The following RNF220 variants were observed in gnomAD, a reference collection of about 807,000 sequenced individuals.
RNF220 encodes ring finger protein 220, also known as E3 ubiquitin-protein ligase RNF220.
In RNF220, 7 loss-of-function variants were observed where a neutral mutation model predicts 67.1. That is an observed-to-expected ratio of 0.10 (90% CI 0.06 to 0.20). RNF220 has a LOEUF of 0.20. RNF220 is among the 10% of genes least tolerant of loss of function. The pLI is 1.00. For missense variants in RNF220, 565 were observed against 740.3 expected (o/e 0.76, Z 2.75); for synonymous variants, 270 against 283.2 (o/e 0.95, Z 0.47).
At chr1:44,443,002 A>C (rs1397834121) in intron 2 of RNF220, among the ~76,000 whole-genome samples, 3 of 152,170 alleles carry the variant, frequency 2.0e-5, no homozygotes, top group Admixed American at 6.5e-5. Context: ...TGGAAATAAG[A>C]CTTCTCAAAT....
intron 2 of RNF220, among the ~76,000 whole-genome samples, chr1:44,567,733 G>T (rs892651700): frequency 6.6e-6 from 1 of 152,036 alleles, no homozygotes; most frequent in Non-Finnish European, 1.5e-5. Context: ...TCATTCATTC[G>T]CTTGCTCACT....
intron 2 of RNF220, among the ~76,000 whole-genome samples, chr1:44,581,443 C>G (rs992803310): frequency 2.0e-5 from 3 of 152,274 alleles, no homozygotes; most frequent in Admixed American, 1.3e-4. Flanking sequence ...CCAGGGAATC[C>G]CTGCTTTGGC....
At chr1:44,534,734 A>G (rs1661074055) in intron 2 of RNF220, among the ~76,000 whole-genome samples, 1 of 152,204 alleles carries the variant, frequency 6.6e-6, no homozygotes, top group African/African-American at 2.4e-5. Flanking sequence ...CTAGAATTGT[A>G]TATGGAAGAG....
intron 2 of RNF220, among the ~76,000 whole-genome samples, chr1:44,498,276 C>A (rs1458808516): frequency 6.6e-6 from 1 of 152,132 alleles, no homozygotes; most frequent in African/African-American, 2.4e-5. Context: ...ATAATACCGT[C>A]CTACCCCAAG....
chr1:44,635,458 G>A (rs1412828094), intron 6 of RNF220, 87 bp from the exon 7 acceptor site: 1 of 1,555,552 alleles, frequency 6.4e-7, no homozygotes, highest in South Asian at 1.2e-5. Flanking sequence ...CTGGCAAGAG[G>A]TCAGGATGTG....
At chr1:44,413,291 C>T (rs569088692) in intron 2 of RNF220, among the ~76,000 whole-genome samples, 2 of 152,246 alleles carry the variant, frequency 1.3e-5, no homozygotes, top group East Asian at 3.9e-4. Context: ...GTTTTCCTTG[C>T]GATCGCAAGG....
At position 44,412,297 on chromosome 1, in the gene RNF220, A is replaced by G. The variant is rs773278409; in HGVS notation, c.200A>G (p.Tyr67Cys). ...DVHIPFTNGS[Y>C]TFASMYHRQG... ...CATATTCCTTTCACCAACGGTTCCT[A>G]TACCTTTGCCTCTATGTACCATCGG... The change falls in exon 2 of 15, where the codon TAT (tyrosine) becomes TGT (cysteine). Residue 67 changes from tyrosine to cysteine, a missense_variant. Physicochemically the swap from Tyr to Cys is radical, Grantham distance 194 (BLOSUM62 -2). Transcript: ENST00000361799. The surrounding 1 kb of genome is among the most constrained non-coding windows in gnomAD (Gnocchi z 5.3). The G allele has an allele frequency of 6.2e-7, 1 of 1,614,156 alleles. No homozygotes were observed. Among genetic ancestry groups the G allele is most frequent in the Admixed American group, 1.7e-5 (1 of 60,022 alleles).
Position 44,650,131 on chromosome 1 carries a change from T to G in RNF220, c.1629+174T>G. 1.5e-6 allele frequency: 1 copy of G among 659,400 alleles called. No individual in the cohort carries two copies. The highest frequency in any genetic ancestry group is 2.6e-6 in the Non-Finnish European group (1 of 390,010). 40.8% of individuals were successfully genotyped at this position (659,400 alleles called of 1,614,324 possible). A position where few individuals can be genotyped will look rare whatever the true frequency, so the allele number is the denominator to read the frequency against. The stretch of plus-strand genomic sequence containing the variant: ...TTACCCCCAGGCTCGCTGCCTCTCC[T>G]CCCCAACTGCAGGTTTAGGAACTTC... On this transcript the variant is annotated intron_variant, in intron 14 of 14. Coordinates refer to ENST00000361799, the MANE Select transcript of RNF220 (RefSeq NM_018150.4). This position sits in a 1 kb window ranked among gnomAD's most constrained non-coding sequence, Gnocchi z 4.3.
At chr1:44,460,037 C>T (rs528189159) in intron 2 of RNF220, among the ~76,000 whole-genome samples, 12 of 152,090 alleles carry the variant, frequency 7.9e-5, no homozygotes, top group African/African-American at 2.4e-4. Context: ...AGGGAGGGGA[C>T]GGCCAGTAAA....
At chr1:44,456,505 A>G (rs979490596) in intron 2 of RNF220, among the ~76,000 whole-genome samples, 1 of 152,214 alleles carries the variant, frequency 6.6e-6, no homozygotes, top group Non-Finnish European at 1.5e-5. Flanking sequence ...TTTATTAAGG[A>G]CCTACTAAGC....
chr1:44,583,208 A>G (rs1337951875), intron 2 of RNF220, among the ~76,000 whole-genome samples: 1 of 150,916 alleles, frequency 6.6e-6, no homozygotes, highest in Non-Finnish European at 1.5e-5. Context: ...TTTTGCTTCC[A>G]GAAGCAGATA....
At chr1:44,549,323 G>C (rs1016799602) in intron 2 of RNF220, among the ~76,000 whole-genome samples, 6 of 152,236 alleles carry the variant, frequency 3.9e-5, no homozygotes, top group Non-Finnish European at 8.8e-5. Context: ...GAGGCTCTCT[G>C]AACAATTGCT....
At chr1:44,485,665 A>G (rs1474196357) in intron 2 of RNF220, among the ~76,000 whole-genome samples, 2 of 152,240 alleles carry the variant, frequency 1.3e-5, no homozygotes, top group African/African-American at 2.4e-5. Flanking sequence ...TTTTAATTCT[A>G]GCCTCTAATC....
intron 2 of RNF220, among the ~76,000 whole-genome samples, chr1:44,543,199 G>A (rs1212532549): frequency 3.3e-5 from 5 of 151,718 alleles, no homozygotes; most frequent in Non-Finnish European, 1.5e-5. Context: ...AGACCTCCCC[G>A]TCAGACCCCC....
At chr1:44,461,921 T>TCTG (rs1457326523) in intron 2 of RNF220, among the ~76,000 whole-genome samples, 9 of 123,434 alleles carry the variant, frequency 7.3e-5, no homozygotes, top group African/African-American at 2.5e-4. Flanking sequence ...TTCTTTTTTC[T>TCTG]TTGTTTTTTT....
chr1:44,570,723 T>A (rs1295416231), intron 2 of RNF220, among the ~76,000 whole-genome samples: 2 of 152,200 alleles, frequency 1.3e-5, no homozygotes, highest in Non-Finnish European at 2.9e-5. Flanking sequence ...ATCTTCCTGC[T>A]TCCTTTCCGG....
intron 2 of RNF220, among the ~76,000 whole-genome samples, chr1:44,605,719 G>A (rs1045050261): frequency 3.9e-5 from 6 of 152,168 alleles, no homozygotes; most frequent in Non-Finnish European, 8.8e-5. Context: ...GGAAGGCCAC[G>A]TGGAAGAAGG....
intron 2 of RNF220, among the ~76,000 whole-genome samples, chr1:44,594,725 T>C (rs1666354956): frequency 6.6e-6 from 1 of 152,188 alleles, no homozygotes; most frequent in Admixed American, 6.5e-5. Flanking sequence ...AAGCAATCAA[T>C]AGCCCATTGG....
chr1:44,417,970 G>C lies in RNF220; in HGVS notation c.625+5248G>C, dbSNP rs1218779036. ...CGAGGGCCGGGAGCGCCCAGCCCGC[G>C]GCCGCACACACGAGGGCCCGTCGCG... On this transcript the variant is annotated intron_variant, in intron 2 of 14. Coordinates refer to ENST00000361799, the MANE Select transcript of RNF220 (RefSeq NM_018150.4). The surrounding 1 kb of genome is among the most constrained non-coding windows in gnomAD (Gnocchi z 4.0). 1.3e-5 allele frequency among the ~76,000 whole-genome samples: 2 copies of C among 152,074 alleles called. No individual in the cohort carries two copies. The highest frequency in any genetic ancestry group is 1.3e-4 in the Admixed American group (2 of 15,274).
Sources: allele counts gnomAD v4.1 joint callset (sites outside exome capture counted in the v4.1 genomes callset), GRCh38; gene constraint gnomAD v4.1.1; non-coding constraint Gnocchi (gnomAD v3.1); transcripts MANE v1.5; gene names NCBI Gene and HGNC (gene_info 2026-07-23, HGNC 2026-07-21).